The following EPS15L1 variants were observed in gnomAD, a reference collection of about 807,000 sequenced individuals.
The protein encoded by EPS15L1 is epidermal growth factor receptor pathway substrate 15 like 1, also known as epidermal growth factor receptor substrate 15-like 1.
In EPS15L1, 43 loss-of-function variants were observed where a neutral mutation model predicts 117.1. The ratio of observed to expected loss-of-function variants is 0.37; its 90% CI spans 0.29 to 0.47. The LOEUF (loss-of-function observed/expected upper bound fraction) is 0.47, where lower values mean the gene tolerates loss of function less well. Among genes scored for constraint, EPS15L1 ranks in the 20% least tolerant of loss-of-function variants. The probability of loss-of-function intolerance (pLI) is 0.99; values close to 1 mark genes in which losing one functional copy is unlikely to be tolerated. For synonymous variants in EPS15L1, 459 were observed against 470.5 expected, an observed-to-expected ratio of 0.98 and a Z score of 0.32; for missense variants, 981 against 1,164.0, an observed-to-expected ratio of 0.84 and a Z score of 2.29.
At chr19:16,393,886 C>A in intron 18 of EPS15L1, 65 bp downstream of exon 18, 1 of 1,499,532 alleles carries the variant, frequency 6.7e-7, no homozygotes, top group Non-Finnish European at 9.3e-7. Flanking sequence ...AGTCCCACCA[C>A]ATGCGACTTC....
intron 18 of EPS15L1, among the ~76,000 whole-genome samples, chr19:16,392,705 T>C (rs937710258): frequency 6.6e-5 from 10 of 151,982 alleles, no homozygotes; most frequent in Admixed American, 1.3e-4. Context: ...CATAGTAAAA[T>C]GGGTGAATTT....
At chr19:16,444,029 A>T (rs2062479581) in intron 1 of EPS15L1, among the ~76,000 whole-genome samples, 1 of 144,732 alleles carries the variant, frequency 6.9e-6, no homozygotes, top group South Asian at 2.1e-4. Flanking sequence ...GCGCCACTGC[A>T]CTCCAGCCCA....
intron 1 of EPS15L1, among the ~76,000 whole-genome samples, chr19:16,468,802 AG>A (rs1188994485): frequency 6.6e-6 from 1 of 152,146 alleles, no homozygotes; most frequent in Non-Finnish European, 1.5e-5. Context: ...GCTTGAGGCT[AG>A]GGGTTTAAGA....
Position 16,381,995 on chromosome 19 carries a change from T to C in EPS15L1, c.2247+3134A>G, listed in dbSNP as rs2092368068. Among the ~76,000 whole-genome samples the C allele has an allele frequency of 6.6e-6, 1 of 152,148 alleles. No homozygotes were observed. The highest frequency in any genetic ancestry group is 2.4e-5 in the African/African-American group (1 of 41,440). ...GGCTGCAGTGAGCCTTTCTACCCTC[T>C]GTGTCGCGCAATAGGACCCGGGCAA... is the stretch of plus-strand genomic sequence containing the variant. On this transcript the variant is annotated intron_variant, in intron 21 of 23. Coordinates refer to ENST00000455140, the MANE Select transcript of EPS15L1 (RefSeq NM_001258374.3). This position sits in a 1 kb window ranked among gnomAD's most constrained non-coding sequence, Gnocchi z 4.2.
chr19:16,370,868 G>A lies in EPS15L1; in HGVS notation c.2380+6254C>T, dbSNP rs1005211952. Among the ~76,000 whole-genome samples the A allele has an allele frequency of 6.6e-6, 1 of 152,166 alleles. No homozygotes were observed. On this transcript the variant is annotated intron_variant, in intron 22 of 23. Coordinates refer to ENST00000455140, the MANE Select transcript of EPS15L1 (RefSeq NM_001258374.3). This position sits in a 1 kb window ranked among gnomAD's most constrained non-coding sequence, Gnocchi z 5.2. ...ACAGCAGTGCTGGGGGATGGGGGGC[G>A]TGGGCAGGAAAGAGGGACTCCACCT...
At chr19:16,455,878 G>T (rs2093190252) in intron 1 of EPS15L1, among the ~76,000 whole-genome samples, 1 of 152,052 alleles carries the variant, frequency 6.6e-6, no homozygotes, top group African/African-American at 2.4e-5. Context: ...TCCACCTCCA[G>T]CTACTGACCT....
rs1599611921 is a variant in EPS15L1, at chr19:16,417,176, A to G, written c.1193+376T>C. On this transcript the variant is annotated intron_variant, in intron 12 of 23. Transcript: ENST00000455140. ...CTGCCTGGGACAACACAGCTGCCAC[A>G]GGCTGTGCCCATGACCTGCCTGGGA... 2.0e-5 allele frequency among the ~76,000 whole-genome samples: 3 copies of G among 150,810 alleles called. No individual in the cohort carries two copies. The East Asian group carries it at 5.9e-4, about 30-fold the overall frequency.
Position 16,404,466 on chromosome 19 carries a change from G to T in EPS15L1, c.1428+122C>A. On this transcript the variant is annotated intron_variant, in intron 14 of 23. Coordinates refer to ENST00000455140, the MANE Select transcript of EPS15L1 (RefSeq NM_001258374.3). This position sits in a 1 kb window ranked among gnomAD's most constrained non-coding sequence, Gnocchi z 4.2. ...ACACTTTTCCACGTGGTGTTTGGAG[G>T]AACTCTATTGACCCAGTAGGATGTC... is the stretch of plus-strand genomic sequence containing the variant. The T allele has an allele frequency of 9.0e-7, 1 of 1,114,570 alleles. No homozygotes were observed. Among genetic ancestry groups the T allele is most frequent in the Non-Finnish European group, 1.3e-6 (1 of 783,650 alleles). 69.0% of individuals were successfully genotyped at this position (1,114,570 alleles called of 1,614,324 possible). A position where few individuals can be genotyped will look rare whatever the true frequency, so the allele number is the denominator to read the frequency against.
At chr19:16,369,845 C>CA (rs1363606317) in intron 22 of EPS15L1, among the ~76,000 whole-genome samples, 12 of 152,340 alleles carry the variant, frequency 7.9e-5, no homozygotes, top group Non-Finnish European at 1.5e-4. Flanking sequence ...GCACCTTTGA[C>CA]ATACCCTGCG....
chr19:16,373,280 C>T (rs996020124), intron 22 of EPS15L1, among the ~76,000 whole-genome samples: 1 of 152,136 alleles, frequency 6.6e-6, no homozygotes, highest in Non-Finnish European at 1.5e-5. Flanking sequence ...CTGGGACCCA[C>T]GCATCTCGCG....
At chr19:16,380,692 G>A (rs966044052) in intron 21 of EPS15L1, among the ~76,000 whole-genome samples, 4 of 152,184 alleles carry the variant, frequency 2.6e-5, no homozygotes, top group Non-Finnish European at 5.9e-5. Context: ...ACACCGATGC[G>A]GTCGTCTGAG....
chr19:16,385,503 T>TC, intron 20 of EPS15L1, among the ~76,000 whole-genome samples: 1 of 152,158 alleles, frequency 6.6e-6, no homozygotes. Flanking sequence ...CCACTGGGTC[T>TC]CAATGGGTCA....
intron 1 of EPS15L1, among the ~76,000 whole-genome samples, chr19:16,461,862 G>A (rs536908525): frequency 1.3e-5 from 2 of 152,260 alleles, no homozygotes; most frequent in East Asian, 1.9e-4. Context: ...GAGACAAAAC[G>A]TTCCCTTCTG....
At position 16,404,587 on chromosome 19, in the gene EPS15L1, C is replaced by T; in HGVS notation, c.1428+1G>A. On this transcript the variant is annotated splice_donor_variant, in intron 14 of 23. Transcript: ENST00000455140. LOFTEE classifies it high-confidence loss of function. The surrounding 1 kb of genome is among the most constrained non-coding windows in gnomAD (Gnocchi z 4.2). ...CTGCCCCGGAGGTGGCCGGGACCCA[C>T]CATCTGAGTCTCATCCTGGCACTTC... The T allele has an allele frequency of 6.2e-7, 1 of 1,614,094 alleles. No individual in the cohort carries two copies. Among genetic ancestry groups the T allele is most frequent in the Non-Finnish European group, 8.5e-7 (1 of 1,180,004 alleles).
At chr19:16,375,092 CATGT>C (rs1440903578) in intron 22 of EPS15L1, among the ~76,000 whole-genome samples, 3 of 152,184 alleles carry the variant, frequency 2.0e-5, no homozygotes, top group Non-Finnish European at 2.9e-5. Context: ...TCTATGCATG[CATGT>C]GTGTACTGAC....
In EPS15L1 at chr19:16,402,430, A is replaced by T; in HGVS notation, c.1682T>A (p.Leu561Gln). 6.2e-7 allele frequency: 1 copy of T among 1,613,706 alleles called. No homozygotes were observed. ...HESRQEAHRS[L>Q]EQYDQVLDGA... ...ATCGAGCACCTGGTCATACTGCTCC[A>T]GGCTCCTGTGGGCCTCCTGGCGGCT... Residue 561 changes from leucine (L) to glutamine (Q), a missense_variant, in exon 16 of 24, where the codon CTG becomes CAG. Physicochemically the swap from Leu to Gln is moderately radical, Grantham distance 113. This residue lies in a region of EPS15L1 where 819 missense variants were observed against 949.0 expected (regional missense o/e 0.86). Coordinates refer to ENST00000455140, the MANE Select transcript of EPS15L1 (RefSeq NM_001258374.3).
Position 16,378,368 on chromosome 19 carries a change from G to A in EPS15L1, c.2248-1114C>T, listed in dbSNP as rs567134039. Among the ~76,000 whole-genome samples the A allele has an allele frequency of 5.9e-4, 90 of 152,002 alleles. 3 individuals are homozygous for A. In the South Asian group the frequency reaches 0.019, roughly 31 times the overall value. ...CCCAGAACCCACTGACCCCCCAGCC[G>A]CTGACTCAGCCTCCTGTTTCCAAGT... On this transcript the variant is annotated intron_variant, in intron 21 of 23. Coordinates refer to ENST00000455140, the MANE Select transcript of EPS15L1 (RefSeq NM_001258374.3).
intron 13 of EPS15L1, among the ~76,000 whole-genome samples, chr19:16,412,383 C>G (rs1311963967): frequency 2.6e-5 from 4 of 151,908 alleles, no homozygotes; most frequent in African/African-American, 9.7e-5. Context: ...GCCTGTAATC[C>G]CAACTACTTG....
intron 16 of EPS15L1, among the ~76,000 whole-genome samples, chr19:16,397,697 A>T (rs879532993): frequency 2.6e-5 from 4 of 151,828 alleles, no homozygotes; most frequent in African/African-American, 7.3e-5. Context: ...TTTTTTTTTT[A>T]AAGTGTGTAT....
Sources: gnomAD v4.1 joint callset for allele counts (sites outside exome capture counted in the v4.1 genomes callset) on GRCh38, gnomAD v4.1.1 for gene constraint, gnomAD v4.1.1 regional missense constraint, Gnocchi (gnomAD v3.1) non-coding constraint, MANE v1.5 for transcripts, NCBI Gene and HGNC (gene_info 2026-07-23, HGNC 2026-07-21) for gene names.